The following GRIK2 variants were observed in gnomAD, a reference collection of about 807,000 sequenced individuals.
The protein encoded by GRIK2 is glutamate receptor ionotropic, kainate 2.
GRIK2 carries 32 observed loss-of-function variants against 100.3 expected under a neutral mutation model. The ratio of observed to expected loss-of-function variants is 0.32; its 90% confidence interval spans 0.24 to 0.43. The LOEUF is 0.43. GRIK2 is among the 20% of genes least tolerant of loss of function. GRIK2 has a pLI of 1.00. For synonymous variants in GRIK2, 417 were observed against 389.4 expected, an observed-to-expected ratio of 1.07 and a Z score of -0.83; for missense variants, 843 against 1,114.9, an observed-to-expected ratio of 0.76 and a Z score of 3.47.
chr6:101,785,671 T>A (rs1779376719), intron 7 of GRIK2, among the ~76,000 whole-genome samples: 1 of 152,130 alleles, frequency 6.6e-6, no homozygotes, highest in South Asian at 2.1e-4. Context: ...GTTTCATTGG[T>A]CTATGTGTCT....
At chr6:101,423,566 T>C (rs1308396067) in intron 2 of GRIK2, among the ~76,000 whole-genome samples, 2 of 152,212 alleles carry the variant, frequency 1.3e-5, no homozygotes, top group Non-Finnish European at 2.9e-5. Context: ...GAGCATCTTT[T>C]CATTTACCAG....
At chr6:101,462,325 A>G (rs1771359218) in intron 2 of GRIK2, among the ~76,000 whole-genome samples, 1 of 152,186 alleles carries the variant, frequency 6.6e-6, no homozygotes, top group Non-Finnish European at 1.5e-5. Flanking sequence ...GGGGAGTGTT[A>G]TAAGAAATGG....
At chr6:101,909,455 T>G (rs1047415040) in intron 12 of GRIK2, among the ~76,000 whole-genome samples, 2 of 145,466 alleles carry the variant, frequency 1.4e-5, no homozygotes, top group African/African-American at 5.0e-5. Flanking sequence ...TTGGAACAGT[T>G]CTATTTGTTT....
intron 2 of GRIK2, among the ~76,000 whole-genome samples, chr6:101,423,183 G>A (rs1011124999): frequency 2.0e-5 from 3 of 152,110 alleles, no homozygotes; most frequent in African/African-American, 7.2e-5. Flanking sequence ...AACACTCTTA[G>A]ATACCAAAGG....
chr6:102,040,868 C>G (rs1481326523), intron 15 of GRIK2, among the ~76,000 whole-genome samples: 2 of 151,576 alleles, frequency 1.3e-5, no homozygotes, highest in Non-Finnish European at 3.0e-5. Flanking sequence ...AAAATTGATG[C>G]AAATTATTCA....
At chr6:101,751,476 T>C (rs1776781224) in intron 7 of GRIK2, among the ~76,000 whole-genome samples, 1 of 152,170 alleles carries the variant, frequency 6.6e-6, no homozygotes, top group South Asian at 2.1e-4. Flanking sequence ...TTTGTATTAC[T>C]AAAAATATGG....
At chr6:101,820,748 A>G (rs1180311390) in intron 10 of GRIK2, among the ~76,000 whole-genome samples, 1 of 152,104 alleles carries the variant, frequency 6.6e-6, no homozygotes, top group Non-Finnish European at 1.5e-5. Context: ...AGCCTGCTCA[A>G]TTCTTCTTTA....
chr6:101,466,773 G>A (rs1478938049), intron 2 of GRIK2, among the ~76,000 whole-genome samples: 1 of 152,150 alleles, frequency 6.6e-6, no homozygotes, highest in Non-Finnish European at 1.5e-5. Context: ...GAAGGAGTTT[G>A]TGTGCTTTCA....
chr6:101,686,436 A>G (rs1771706309), intron 7 of GRIK2, 83 bp downstream of exon 7: 1 of 935,720 alleles, frequency 1.1e-6, no homozygotes, highest in Non-Finnish European at 1.6e-6. Flanking sequence ...ATATGCATAC[A>G]TATAAACTTC....
intron 14 of GRIK2, among the ~76,000 whole-genome samples, chr6:102,028,387 A>G (rs1347243062): frequency 6.6e-6 from 1 of 151,292 alleles, no homozygotes; most frequent in Non-Finnish European, 1.5e-5. Flanking sequence ...GATGTAGAAA[A>G]AAACAAATCG....
intron 4 of GRIK2, among the ~76,000 whole-genome samples, chr6:101,640,568 G>T (rs1781234998): frequency 6.6e-6 from 1 of 152,036 alleles, no homozygotes; most frequent in Non-Finnish European, 1.5e-5. Context: ...ATGAAATCTT[G>T]TTCTGTTAAA....
chr6:101,692,651 G>A (rs529206604), intron 7 of GRIK2, among the ~76,000 whole-genome samples: 60 of 151,756 alleles, frequency 4.0e-4, no homozygotes, highest in South Asian at 1.5e-3. Flanking sequence ...CCTGTTTTCC[G>A]TAATCATTTA....
At chr6:101,798,074 G>C (rs1371691322) in intron 7 of GRIK2, among the ~76,000 whole-genome samples, 1 of 147,324 alleles carries the variant, frequency 6.8e-6, no homozygotes, top group East Asian at 2.0e-4. Context: ...ACAAAACAAT[G>C]GATATGTAGC....
At chr6:101,622,256 A>G (rs2128317027) in intron 3 of GRIK2, 140 bp downstream of exon 3, 2 of 549,520 alleles carry the variant, frequency 3.6e-6, no homozygotes, top group Non-Finnish European at 6.3e-6. Flanking sequence ...CAAAATGCAT[A>G]TAAATTTTAT....
chr6:101,933,275 G>T (rs183436163), intron 14 of GRIK2, among the ~76,000 whole-genome samples: 5 of 151,896 alleles, frequency 3.3e-5, no homozygotes, highest in Non-Finnish European at 7.4e-5. Context: ...TCTAAATTCA[G>T]CTTGCAAAGT....
chr6:101,776,901 G>C (rs1024869907), intron 7 of GRIK2, among the ~76,000 whole-genome samples: 1 of 152,100 alleles, frequency 6.6e-6, no homozygotes, highest in African/African-American at 2.4e-5. Context: ...CTAACAGTGG[G>C]TGCAGAAGGG....
Position 101,744,554 on chromosome 6 carries a change from A to ATC in GRIK2, c.952-55093_952-55092insCT, listed in dbSNP as rs1347993350. 219 of 114,788 alleles carry ATC rather than the reference A, an allele frequency of 1.9e-3. 5 individuals are homozygous for ATC. Among genetic ancestry groups the ATC allele is most frequent in the African/African-American group, 7.6e-3 (215 of 28,112 alleles). The allele number at this position is 114,788 out of a possible 1,614,324, so 7.1% of individuals were successfully genotyped here. A position where few individuals can be genotyped will look rare whatever the true frequency, so the allele number is the denominator to read the frequency against. On this transcript the variant is annotated intron_variant, in intron 7 of 16. Transcript: ENST00000369134. ...TATATATATATATATATATATATAT[A>ATC]TATATCACAATTTCTTTTTCTTTTT...
chr6:101,764,375 T>C (rs1472800543), intron 7 of GRIK2, among the ~76,000 whole-genome samples: 1 of 150,574 alleles, frequency 6.6e-6, no homozygotes, highest in Non-Finnish European at 1.5e-5. Flanking sequence ...AGCAGTCAAA[T>C]GAAGTCTCTA....
chr6:101,658,418 G>A (rs1273950802), intron 4 of GRIK2, among the ~76,000 whole-genome samples: 6 of 152,196 alleles, frequency 3.9e-5, no homozygotes, highest in Non-Finnish European at 8.8e-5. Flanking sequence ...ATTCCGTAGT[G>A]TGTATGTGCC....
Sources: allele counts gnomAD v4.1 joint callset (sites outside exome capture counted in the v4.1 genomes callset), GRCh38; gene constraint gnomAD v4.1.1; transcripts MANE v1.5; gene names NCBI Gene and HGNC (gene_info 2026-07-23, HGNC 2026-07-21).